Variants in ADD2 observed in about 807,000 individuals in gnomAD.
ADD2 encodes the protein adducin 2.
Under a neutral mutation model 83.0 loss-of-function variants are expected in ADD2, and 23 were observed. The ratio of observed to expected loss-of-function variants is 0.28; its 90% CI spans 0.20 to 0.39. ADD2 has a LOEUF of 0.39. Among genes scored for constraint, ADD2 ranks in the 10% least tolerant of loss-of-function variants. The probability of loss-of-function intolerance (pLI) is 1.00; values close to 1 mark genes in which losing one functional copy is unlikely to be tolerated. For synonymous variants in ADD2, 375 were observed against 375.4 expected, an observed-to-expected ratio of 1.00 and a Z score of 0.01; for missense variants, 758 against 944.9, an observed-to-expected ratio of 0.80 and a Z score of 2.59.
intron 1 of ADD2, among the ~76,000 whole-genome samples, chr2:70,732,076 C>CTCCCT (rs2104469848): frequency 6.6e-6 from 1 of 152,306 alleles, no homozygotes; most frequent in African/African-American, 2.4e-5. Context: ...CAATCTTCCC[C>CTCCCT]TCCCTTCTCA....
At chr2:70,699,791 A>C (rs992391306) in intron 4 of ADD2, among the ~76,000 whole-genome samples, 2 of 141,698 alleles carry the variant, frequency 1.4e-5, no homozygotes, top group African/African-American at 6.3e-5. Context: ...AAAACAAAAC[A>C]AAAAAAACCC....
At chr2:70,743,117 C>T (rs1674006298) in intron 1 of ADD2, among the ~76,000 whole-genome samples, 1 of 152,184 alleles carries the variant, frequency 6.6e-6, no homozygotes, top group African/African-American at 2.4e-5. Context: ...AGCAAAGTCA[C>T]ATCTTATGAT....
chr2:70,760,038 T>C (rs939780383), intron 1 of ADD2, among the ~76,000 whole-genome samples: 18 of 152,336 alleles, frequency 1.2e-4, no homozygotes, highest in African/African-American at 4.1e-4. Flanking sequence ...CTGGGTGATA[T>C]TGGCTGGCAC....
intron 1 of ADD2, among the ~76,000 whole-genome samples, chr2:70,764,018 G>A (rs1475811139): frequency 6.6e-6 from 1 of 151,444 alleles, no homozygotes; most frequent in Non-Finnish European, 1.5e-5. Flanking sequence ...CTCCCGAGTA[G>A]CTGAGATTAC....
intron 1 of ADD2, among the ~76,000 whole-genome samples, chr2:70,744,962 T>C (rs1674103651): frequency 6.6e-6 from 1 of 152,118 alleles, no homozygotes; most frequent in African/African-American, 2.4e-5. Flanking sequence ...CTTTCGAGCA[T>C]TGGATCAGTT....
At chr2:70,710,376 C>A (rs1320090887) in intron 2 of ADD2, among the ~76,000 whole-genome samples, 1 of 152,262 alleles carries the variant, frequency 6.6e-6, no homozygotes, top group Non-Finnish European at 1.5e-5. Flanking sequence ...TAGCTCTGCC[C>A]TCCCTGAAGT....
At position 70,713,086 on chromosome 2, in the gene ADD2, G is replaced by C. The variant is rs1280205116; in HGVS notation, c.-55C>G. The stretch of plus-strand genomic sequence containing the variant: ...CTTACCGGGAGGCTGGCCCAGCCCT[G>C]TCCAAGGCTCCTTCTGTTCACTGCT... On this transcript the variant is annotated 5_prime_UTR_variant, in exon 2 of 16. Transcript: ENST00000264436. 1 of 985,552 alleles carries C rather than the reference G, an allele frequency of 1.0e-6. No homozygotes were observed. The allele number at this position is 985,552 out of a possible 1,614,324, so 61.1% of individuals were successfully genotyped here. A position where few individuals can be genotyped will look rare whatever the true frequency, so the allele number is the denominator to read the frequency against.
rs1421631852 is a variant in ADD2 at position 70,659,992 on chromosome 2, CCAAATCTGAGCT to C, written c.*3421_*3432del. ...CAACCAGACATGAACCTACTGCCCA[CCAAATCTGAGCT>C]CTTGAATACACATTTTCTCCAGTCA... is the stretch of plus-strand genomic sequence containing the variant. On this transcript the variant is annotated 3_prime_UTR_variant, in exon 16 of 16. Coordinates refer to ENST00000264436, the MANE Select transcript of ADD2 (RefSeq NM_001617.4). 1 of 152,194 alleles carries C rather than the reference CCAAATCTGAGCT, an allele frequency of 6.6e-6. No homozygotes were observed. Among genetic ancestry groups the C allele is most frequent in the Non-Finnish European group, 1.5e-5 (1 of 68,026 alleles). The allele number at this position is 152,194 out of a possible 1,614,324, so 9.4% of individuals were successfully genotyped here.
chr2:70,676,277 T>C lies in ADD2; in HGVS notation c.1593+519A>G. On this transcript the variant is annotated intron_variant, in intron 13 of 15. Transcript: ENST00000264436. This position sits in a 1 kb window ranked among gnomAD's most constrained non-coding sequence, Gnocchi z 4.8. ...ACAATTACAATACTTTCTAACTCAA[T>C]GTGGGTTTGTGTGGGTAATATTGTC... The C allele has an allele frequency of 2.0e-6, 2 of 994,032 alleles. No individual in the cohort carries two copies. Among genetic ancestry groups the C allele is most frequent in the Non-Finnish European group, 2.4e-6 (2 of 836,016 alleles). The allele number at this position is 994,032 out of a possible 1,614,324, so 61.6% of individuals were successfully genotyped here.
chr2:70,716,044 C>T (rs1672449385), intron 1 of ADD2, among the ~76,000 whole-genome samples: 4 of 152,082 alleles, frequency 2.6e-5, no homozygotes, highest in Admixed American at 2.6e-4. Context: ...TTTTTAAAGC[C>T]CTGCTTTTCC....
At chr2:70,752,549 G>A (rs567543539) in intron 1 of ADD2, among the ~76,000 whole-genome samples, 34 of 152,286 alleles carry the variant, frequency 2.2e-4, no homozygotes, top group Non-Finnish European at 4.0e-4. Context: ...TGTTTTGGAG[G>A]ACTGAGCCAG....
chr2:70,735,419 G>GT (rs544386330), intron 1 of ADD2, among the ~76,000 whole-genome samples: 6 of 151,940 alleles, frequency 3.9e-5, no homozygotes, highest in South Asian at 2.1e-4. Context: ...AGTATCTCAA[G>GT]TTTTTTTTGC....
chr2:70,756,429 TTGAGACATTGGAG>T (rs3836141), intron 1 of ADD2, among the ~76,000 whole-genome samples: 7,271 of 152,296 alleles, frequency 0.048, 257 homozygotes, highest in East Asian at 0.16. Context: ...TCACCCTGGA[TTGAGACATTGGAG>T]TCCTAAGAAA....
intron 1 of ADD2, among the ~76,000 whole-genome samples, chr2:70,714,817 C>T (rs1422283102): frequency 1.3e-5 from 2 of 152,226 alleles, no homozygotes; most frequent in East Asian, 3.8e-4. Flanking sequence ...TCTGAGGCTG[C>T]CCTGTGGCCA....
chr2:70,724,383 T>C (rs915030365), intron 1 of ADD2, among the ~76,000 whole-genome samples: 3 of 152,336 alleles, frequency 2.0e-5, no homozygotes, highest in Admixed American at 2.0e-4. Flanking sequence ...CATTTCTGGG[T>C]AGCCTCTTCA....
rs1266434613 is a variant in ADD2, at chr2:70,657,333, G to GCATT, written c.*6088_*6091dup. ...ACCATCCATAGCTTTAGAGAACACT[G>GCATT]CATTCTATCTAGACTGGGTTCCTGC... On this transcript the variant is annotated 3_prime_UTR_variant, in exon 16 of 16. Transcript: ENST00000264436. 6.6e-6 allele frequency: 1 copy of GCATT among 152,202 alleles called. No homozygotes were observed. The highest frequency in any genetic ancestry group is 6.5e-5 in the Admixed American group (1 of 15,278). The allele number at this position is 152,202 out of a possible 1,614,324, so 9.4% of individuals were successfully genotyped here. A position where few individuals can be genotyped will look rare whatever the true frequency, so the allele number is the denominator to read the frequency against.
intron 4 of ADD2, among the ~76,000 whole-genome samples, chr2:70,703,481 C>T (rs1230382546): frequency 6.6e-6 from 1 of 152,192 alleles, no homozygotes; most frequent in Non-Finnish European, 1.5e-5. Context: ...ATGTAATCTG[C>T]CATTCTGCAT....
intron 9 of ADD2, among the ~76,000 whole-genome samples, chr2:70,685,863 GAGA>G (rs1309138631): frequency 2.6e-5 from 4 of 152,210 alleles, no homozygotes; most frequent in Non-Finnish European, 5.9e-5. Flanking sequence ...GTAGCAGATG[GAGA>G]AGAACTGCTT....
intron 4 of ADD2, 88 bp downstream of exon 4, chr2:70,704,233 C>T (rs1451045121): frequency 5.4e-6 from 8 of 1,478,350 alleles, no homozygotes; most frequent in Non-Finnish European, 7.3e-6. Flanking sequence ...AGCCTGGCAA[C>T]CAGATGCTTC....
Sources: allele counts gnomAD v4.1 joint callset (sites outside exome capture counted in the v4.1 genomes callset), GRCh38; gene constraint gnomAD v4.1.1; non-coding constraint Gnocchi (gnomAD v3.1); transcripts MANE v1.5; gene names NCBI Gene and HGNC (gene_info 2026-07-23, HGNC 2026-07-21).